Variants in OR52N4 observed in about 807,000 individuals in gnomAD.
The protein encoded by OR52N4 is olfactory receptor 52N4.
In OR52N4, 15 loss-of-function variants were observed where a neutral mutation model predicts 15.0. The ratio of observed to expected loss-of-function variants is 1.00; its 90% CI spans 0.67 to 1.54. The LOEUF is 1.54. Among genes scored for constraint, OR52N4 ranks in the 40% most tolerant of loss-of-function variants. The probability of loss-of-function intolerance (pLI) is 0.00; values close to 1 mark genes in which losing one functional copy is unlikely to be tolerated. For synonymous variants in OR52N4, 143 were observed against 143.7 expected (o/e 1.00, Z 0.03); for missense variants, 421 against 394.0 (o/e 1.07, Z -0.58).
the OR52N4 span, among the ~76,000 whole-genome samples, chr11:5,728,773 T>C: frequency 6.6e-6 from 1 of 152,204 alleles, no homozygotes. Context: ...GCACAAATAG[T>C]GAAACTCAGT....
At chr11:5,752,408 A>T (rs1160011362), upstream of OR52N4, among the ~76,000 whole-genome samples, 1 of 152,190 alleles carries the variant, frequency 6.6e-6, no homozygotes, top group Non-Finnish European at 1.5e-5. Flanking sequence ...TCAGATGCTA[A>T]TCTTAAAACA....
At chr11:5,749,962 A>G (rs1854156071), upstream of OR52N4, among the ~76,000 whole-genome samples, 1 of 151,996 alleles carries the variant, frequency 6.6e-6, no homozygotes, top group Non-Finnish European at 1.5e-5. Flanking sequence ...ATACGTTTGT[A>G]CTTATTAATA....
At chr11:5,736,897 G>T in the OR52N4 span, 1 of 1,613,996 alleles carries the variant, frequency 6.2e-7, no homozygotes, top group African/African-American at 1.3e-5. Context: ...TACTCTGCAT[G>T]GCTTTTGATA....
chr11:5,751,911 T>C (rs1854200008), upstream of OR52N4, among the ~76,000 whole-genome samples: 2 of 152,148 alleles, frequency 1.3e-5, no homozygotes, highest in African/African-American at 2.4e-5. Flanking sequence ...ATTTAAAGGA[T>C]GGGTCGCTAT....
the OR52N4 span, among the ~76,000 whole-genome samples, chr11:5,747,655 T>G: frequency 6.6e-6 from 1 of 152,026 alleles, no homozygotes; most frequent in African/African-American, 2.4e-5. Context: ...GAATATATAC[T>G]GAGCCTATAC....
the OR52N4 span, chr11:5,737,509 T>C: frequency 6.3e-7 from 1 of 1,586,692 alleles, no homozygotes; most frequent in Non-Finnish European, 8.6e-7. Context: ...CTCCATGATG[T>C]ACATGAACCT....
Position 5,755,836 on chromosome 11 carries a change from T to C in OR52N4, c.*130T>C. On this transcript the variant is annotated 3_prime_UTR_variant, in exon 2 of 2. Transcript: ENST00000641350. ...ATGGAGTTTGTTAACTGGTGCATTCTCAATAAGTACCTTGGGAATCTCAAC... is the reference window on the plus strand; with the variant it reads ...ATGGAGTTTGTTAACTGGTGCATTCCCAATAAGTACCTTGGGAATCTCAAC... The C allele has an allele frequency of 3.8e-6, 4 of 1,060,846 alleles. No individual in the cohort carries two copies. Among genetic ancestry groups the C allele is most frequent in the Non-Finnish European group, 5.3e-6 (4 of 753,946 alleles). 65.7% of individuals were successfully genotyped at this position (1,060,846 alleles called of 1,614,324 possible). A position where few individuals can be genotyped will look rare whatever the true frequency, so the allele number is the denominator to read the frequency against.
At chr11:5,730,230 T>G in the OR52N4 span, among the ~76,000 whole-genome samples, 1 of 142,664 alleles carries the variant, frequency 7.0e-6, no homozygotes, top group Non-Finnish European at 1.5e-5. Context: ...CTCACTCTGG[T>G]GCCCAGGATG....
chr11:5,737,305 T>C, the OR52N4 span: 1 of 1,614,124 alleles, frequency 6.2e-7, no homozygotes, highest in Non-Finnish European at 8.5e-7. Context: ...TTTACACTAT[T>C]GTTGTAGTGA....
At chr11:5,737,165 G>A in the OR52N4 span, 1,312 of 1,613,922 alleles carry the variant, frequency 8.1e-4, 9 homozygotes, top group African/African-American at 0.015. Context: ...GCTTGGAATG[G>A]GGAGTGATCT....
the OR52N4 span, among the ~76,000 whole-genome samples, chr11:5,730,879 AT>A: frequency 1.3e-5 from 2 of 151,458 alleles, no homozygotes; most frequent in Non-Finnish European, 2.9e-5. Flanking sequence ...GTTTCTTTCA[AT>A]TATGACCGAT....
the OR52N4 span, among the ~76,000 whole-genome samples, chr11:5,742,416 T>C: frequency 6.6e-6 from 1 of 152,132 alleles, no homozygotes; most frequent in Non-Finnish European, 1.5e-5. Context: ...CCAAGGCATA[T>C]AGGCATCAGA....
the OR52N4 span, chr11:5,737,784 C>T: frequency 7.6e-6 from 2 of 261,456 alleles, no homozygotes; most frequent in African/African-American, 2.2e-5. Flanking sequence ...AATATAATCA[C>T]ACACCCACAA....
chr11:5,752,841 T>C (rs573472119), upstream of OR52N4, among the ~76,000 whole-genome samples: 42 of 152,294 alleles, frequency 2.8e-4, no homozygotes, highest in African/African-American at 1.0e-3. Flanking sequence ...TTTTTCTATT[T>C]CTAATAGCAC....
the OR52N4 span, among the ~76,000 whole-genome samples, chr11:5,733,710 C>A: frequency 1.3e-5 from 2 of 152,098 alleles, no homozygotes; most frequent in Non-Finnish European, 2.9e-5. Flanking sequence ...TTATGCCTAA[C>A]ATGTTTTTCA....
chr11:5,743,462 A>G, the OR52N4 span, among the ~76,000 whole-genome samples: 1 of 152,306 alleles, frequency 6.6e-6, no homozygotes, highest in Admixed American at 6.5e-5. Flanking sequence ...TTGGCACATG[A>G]AACAGTCTCA....
the OR52N4 span, chr11:5,737,390 C>A: frequency 5.6e-6 from 9 of 1,613,884 alleles, no homozygotes; most frequent in Non-Finnish European, 7.6e-6. Context: ...CAACATCATC[C>A]CCCCTTCCCT....
chr11:5,740,638 C>G, the OR52N4 span, among the ~76,000 whole-genome samples: 5 of 124,618 alleles, frequency 4.0e-5, 1 homozygote, highest in Non-Finnish European at 8.8e-5. Context: ...GAAACCCCGT[C>G]TCTACAAAAA....
At chr11:5,736,396 A>G in the OR52N4 span, 9 of 809,526 alleles carry the variant, frequency 1.1e-5, no homozygotes, top group Non-Finnish European at 1.8e-5. Flanking sequence ...CATTTAATCT[A>G]TATAATTTCT....
Sources: gnomAD v4.1 joint callset for allele counts (sites outside exome capture counted in the v4.1 genomes callset) on GRCh38, gnomAD v4.1.1 for gene constraint, MANE v1.5 for transcripts, NCBI Gene and HGNC (gene_info 2026-07-23, HGNC 2026-07-21) for gene names.